The following EVI2B variants were observed in gnomAD, a reference collection of about 807,000 sequenced individuals.
EVI2B encodes ecotropic viral integration site 2B, also known as protein EVI2B.
In EVI2B, 4 loss-of-function variants were observed where a neutral mutation model predicts 6.6. The ratio of observed to expected loss-of-function variants is 0.61; its 90% CI spans 0.30 to 1.39. The LOEUF is 1.39. EVI2B is among the 40% of genes most tolerant of loss of function. EVI2B has a pLI of 0.08. For synonymous variants in EVI2B, 181 were observed against 186.8 expected (o/e 0.97, Z 0.25); for missense variants, 484 against 516.6 (o/e 0.94, Z 0.61).
Position 31,304,243 on chromosome 17 carries a change from TA to T in EVI2B, c.*19del. 1 of 1,558,348 alleles carries T rather than the reference TA, an allele frequency of 6.4e-7. No homozygotes were observed. Among genetic ancestry groups the T allele is most frequent in the African/African-American group, 1.4e-5 (1 of 72,724 alleles). On this transcript the variant is annotated 3_prime_UTR_variant, in exon 2 of 2. Coordinates refer to ENST00000330927, the MANE Select transcript of EVI2B (RefSeq NM_006495.4). ...AGTCATTTGAGGATGGAAGATCAGC[TA>T]AAAAGCAAGTTGTAATATTTATAAC...
rs917757974 is a variant in EVI2B, at chr17:31,303,951, GA to G, written c.*311del. 3.8e-5 allele frequency: 7 copies of G among 184,778 alleles called. No individual in the cohort carries two copies. Among genetic ancestry groups the G allele is most frequent in the East Asian group, 1.4e-4 (1 of 7,200 alleles). The allele number at this position is 184,778 out of a possible 1,614,324, so 11.4% of individuals were successfully genotyped here. The stretch of plus-strand genomic sequence containing the variant: ...TAATTTTATACACAGCTTTTCAGGG[GA>G]AAAAAAACTGTACTGGGTAATAAGT... On this transcript the variant is annotated 3_prime_UTR_variant, in exon 2 of 2. Transcript: ENST00000330927.
Position 31,304,317 on chromosome 17 carries a change from G to C in EVI2B, c.1293C>G (p.Asn431Lys), listed in dbSNP as rs771097279. The C allele has an allele frequency of 6.2e-7, 1 of 1,614,086 alleles. No individual in the cohort carries two copies. The highest frequency in any genetic ancestry group is 1.1e-5 in the South Asian group (1 of 91,080). Residue 431 changes from asparagine (N) to lysine (K), a missense_variant, in exon 2 of 2, where the codon AAC becomes AAG. Coordinates refer to ENST00000330927, the MANE Select transcript of EVI2B (RefSeq NM_006495.4). ...IQCQEFSIPPNSDQDLNESLP... is the reference protein window; with the variant it reads ...IQCQEFSIPPKSDQDLNESLP... ...GGGATTCATTAAGATCTTGATCAGA[G>C]TTGGGAGGAATAGAGAACTCCTGAC...
In EVI2B at chr17:31,304,198, T is replaced by C; in HGVS notation, c.*65A>G. ...ACTATCAGTTGCCATTTTATATATG[T>C]TAACATATAAAGAAAAAAGAGTCAT... On this transcript the variant is annotated 3_prime_UTR_variant, in exon 2 of 2. Coordinates refer to ENST00000330927, the MANE Select transcript of EVI2B (RefSeq NM_006495.4). 6.9e-7 allele frequency: 1 copy of C among 1,458,162 alleles called. No individual in the cohort carries two copies. The highest frequency in any genetic ancestry group is 1.4e-5 in the South Asian group (1 of 72,044). 90.3% of individuals were successfully genotyped at this position (1,458,162 alleles called of 1,614,324 possible). A position where few individuals can be genotyped will look rare whatever the true frequency, so the allele number is the denominator to read the frequency against.
At chr17:31,307,898 A>G (rs1322579086) in intron 1 of EVI2B, 2 of 1,289,268 alleles carry the variant, frequency 1.6e-6, no homozygotes, top group African/African-American at 1.5e-5. Flanking sequence ...TTTTCAGCAT[A>G]TCTAAACAGC....
chr17:31,307,873 G>A, intron 1 of EVI2B: 5 of 1,287,872 alleles, frequency 3.9e-6, no homozygotes, highest in Non-Finnish European at 4.1e-6. Flanking sequence ...TGCAATAAAG[G>A]TTTTACAAAT....
intron 1 of EVI2B, among the ~76,000 whole-genome samples, chr17:31,307,271 G>A (rs938596009): frequency 4.0e-5 from 6 of 151,716 alleles, no homozygotes; most frequent in African/African-American, 1.5e-4. Flanking sequence ...TGCCTGCCTT[G>A]GCCTCCCAAA....
chr17:31,308,429 C>T (rs554390880), intron 1 of EVI2B, among the ~76,000 whole-genome samples: 1 of 152,270 alleles, frequency 6.6e-6, no homozygotes, highest in East Asian at 1.9e-4. Context: ...GCATGAGCCA[C>T]CACGCCTGGC....
chr17:31,313,721 TATGTGTGTGTG>T (rs2068947502), intron 1 of EVI2B, among the ~76,000 whole-genome samples: 1 of 81,558 alleles, frequency 1.2e-5, no homozygotes, highest in Non-Finnish European at 2.5e-5. Context: ...AAAAAAAAAA[TATGTGTGTGTG>T]TGTGTGTGTG....
At chr17:31,306,372 G>C (rs1185359772) in intron 1 of EVI2B, among the ~76,000 whole-genome samples, 1 of 151,590 alleles carries the variant, frequency 6.6e-6, no homozygotes, top group Non-Finnish European at 1.5e-5. Flanking sequence ...GTGACTTCTT[G>C]GTGGATTTTT....
intron 1 of EVI2B, among the ~76,000 whole-genome samples, chr17:31,310,612 T>G (rs533503538): frequency 1.3e-5 from 2 of 152,298 alleles, no homozygotes; most frequent in African/African-American, 2.4e-5. Context: ...TCCTGTCTGC[T>G]GTGAGTATCC....
At chr17:31,308,334 T>C (rs1287126496) in intron 1 of EVI2B, among the ~76,000 whole-genome samples, 2 of 151,914 alleles carry the variant, frequency 1.3e-5, no homozygotes, top group African/African-American at 4.8e-5. Flanking sequence ...AGAGACAGGG[T>C]TTCACCATGT....
At position 31,304,754 on chromosome 17, in the gene EVI2B, C is replaced by A; in HGVS notation, c.856G>T (p.Asp286Tyr). The change falls in exon 2 of 2, where the codon GAC (aspartate) becomes TAC (tyrosine). Residue 286 changes from aspartate (D) to tyrosine (Y), a missense_variant. Transcript: ENST00000330927. Reference sequence around the variant, plus strand: ...GATTCAAACAACTTAATTTCTAAGTCATCTGCTAAAAGTGTGCTTTTGCTT... The same window carrying A: ...GATTCAAACAACTTAATTTCTAAGTAATCTGCTAAAAGTGTGCTTTTGCTT... Reference protein sequence around the residue: ...KPSKSTLLADDLEIKLFESSE... With the variant: ...KPSKSTLLADYLEIKLFESSE... The A allele has an allele frequency of 6.2e-7, 1 of 1,614,116 alleles. No homozygotes were observed. The highest frequency in any genetic ancestry group is 1.1e-5 in the South Asian group (1 of 91,058).
At position 31,304,538 on chromosome 17, in the gene EVI2B, G is replaced by C; in HGVS notation, c.1072C>G (p.Pro358Ala). Residue 358 changes from proline (P) to alanine (A), a missense_variant, in exon 2 of 2, where the codon CCC (proline) becomes GCC (alanine). Transcript: ENST00000330927. The stretch of plus-strand genomic sequence containing the variant: ...AGAGGAGATACAATTGTCATTGTGG[G>C]TTTGTCAGATTGGTTACTTTCCTGT... ...EGQESNQSDK[P>A]TMTIVSPLPN... The C allele has an allele frequency of 6.2e-7, 1 of 1,614,184 alleles. No homozygotes were observed. The highest frequency in any genetic ancestry group is 8.5e-7 in the Non-Finnish European group (1 of 1,180,022).
chr17:31,313,546 A>AT, intron 1 of EVI2B, among the ~76,000 whole-genome samples: 2 of 152,152 alleles, frequency 1.3e-5, no homozygotes, highest in Non-Finnish European at 2.9e-5. Context: ...TCTACTAAAA[A>AT]TACAAAAAAA....
intron 1 of EVI2B, among the ~76,000 whole-genome samples, chr17:31,313,655 G>A (rs535498608): frequency 4.7e-5 from 7 of 150,498 alleles, no homozygotes; most frequent in Admixed American, 4.0e-4. Flanking sequence ...GCAGTGAGCT[G>A]AGATCGTGCC....
chr17:31,310,864 T>G (rs1157628409), intron 1 of EVI2B, among the ~76,000 whole-genome samples: 1 of 151,954 alleles, frequency 6.6e-6, no homozygotes. Flanking sequence ...TAGAATATTT[T>G]AAAAAGAAAA....
chr17:31,312,158 A>G (rs1189942498), intron 1 of EVI2B, among the ~76,000 whole-genome samples: 1 of 152,144 alleles, frequency 6.6e-6, no homozygotes, highest in Non-Finnish European at 1.5e-5. Flanking sequence ...TTATGTGGGA[A>G]TTAGCTGGAA....
At chr17:31,312,098 T>C (rs558637537) in intron 1 of EVI2B, among the ~76,000 whole-genome samples, 2 of 152,318 alleles carry the variant, frequency 1.3e-5, no homozygotes, top group South Asian at 2.1e-4. Flanking sequence ...ATCAGATTTA[T>C]GTTTCTCAAT....
intron 1 of EVI2B, among the ~76,000 whole-genome samples, chr17:31,307,091 G>A (rs1597803639): frequency 6.6e-6 from 1 of 151,878 alleles, no homozygotes; most frequent in East Asian, 1.9e-4. Context: ...GGCACAATCT[G>A]GGCTCACTGC....
Sources: allele counts gnomAD v4.1 joint callset (sites outside exome capture counted in the v4.1 genomes callset), GRCh38; gene constraint gnomAD v4.1.1; transcripts MANE v1.5; gene names NCBI Gene and HGNC (gene_info 2026-07-23, HGNC 2026-07-21).